SNX29: variants seen among roughly 807,000 people sequenced by gnomAD.
SNX29 encodes the protein sorting nexin-29.
SNX29 carries 78 observed loss-of-function variants against 102.1 expected under a neutral mutation model. The observed-to-expected ratio is 0.76, with a 90% confidence interval of 0.64 to 0.92. The LOEUF is 0.92. Ranked by LOEUF, SNX29 falls within the 40% of genes least tolerant of loss-of-function variation. SNX29 has a pLI of 0.00. For missense variants in SNX29, 1,280 were observed against 1,061.7 expected (o/e 1.21, Z -2.86); for synonymous variants, 580 against 414.5 (o/e 1.40, Z -4.85).
At chr16:12,367,440 G>A (rs1396644514) in intron 16 of SNX29, 1 of 152,164 alleles carries the variant, frequency 6.6e-6, no homozygotes. Flanking sequence ...GTGTTACCTG[G>A]GGCACCTTGC....
chr16:12,277,720 G>A (rs190939870), intron 14 of SNX29, among the ~76,000 whole-genome samples: 17 of 152,168 alleles, frequency 1.1e-4, no homozygotes, highest in Non-Finnish European at 1.9e-4. Flanking sequence ...CACTACAGGC[G>A]CACACCACCA....
chr16:12,427,529 G>T (rs2085131660), intron 18 of SNX29, among the ~76,000 whole-genome samples: 1 of 151,658 alleles, frequency 6.6e-6, no homozygotes, highest in Non-Finnish European at 1.5e-5. Context: ...ACTGATAAAA[G>T]AAAAAAAATA....
intron 13 of SNX29, among the ~76,000 whole-genome samples, chr16:12,165,925 A>G (rs1310510117): frequency 6.6e-6 from 1 of 152,164 alleles, no homozygotes; most frequent in Non-Finnish European, 1.5e-5. Flanking sequence ...TAGCCATGTG[A>G]CCTTGGATCT....
At chr16:12,555,402 G>GA (rs1365290199) in intron 20 of SNX29, among the ~76,000 whole-genome samples, 1 of 150,040 alleles carries the variant, frequency 6.7e-6, no homozygotes, top group Admixed American at 6.6e-5. Context: ...TGTCTGCTGG[G>GA]CTGCTGGCCC....
At position 11,976,749 on chromosome 16, in the gene SNX29, G is replaced by T. The variant is rs1248056985; in HGVS notation, c.-58G>T. 107 of 1,249,386 alleles carry T rather than the reference G, an allele frequency of 8.6e-5. No homozygotes were observed. The Middle Eastern group carries it at 9.0e-4, about 11-fold the overall frequency. 77.4% of individuals were successfully genotyped at this position (1,249,386 alleles called of 1,614,324 possible). Reference sequence around the variant, plus strand: ...CTCCCGGCCTGTCTGGAGCTCGGCAGCCGCAGAAGCGGCAGCGGCGGCGGC... The same window carrying T: ...CTCCCGGCCTGTCTGGAGCTCGGCATCCGCAGAAGCGGCAGCGGCGGCGGC... On this transcript the variant is annotated 5_prime_UTR_variant, in exon 1 of 21. Transcript: ENST00000566228.
At chr16:12,087,663 C>CT in intron 11 of SNX29, 1 of 360,720 alleles carries the variant, frequency 2.8e-6, no homozygotes, top group Non-Finnish European at 5.5e-6. Flanking sequence ...CGAGATGCCT[C>CT]TCTGAAGTTA....
intron 14 of SNX29, among the ~76,000 whole-genome samples, chr16:12,276,569 T>A (rs1396677403): frequency 2.0e-5 from 3 of 152,196 alleles, no homozygotes; most frequent in Non-Finnish European, 4.4e-5. Flanking sequence ...TGCCCCTCCA[T>A]ACAGCTGATA....
At chr16:12,529,802 C>T (rs529697068) in intron 20 of SNX29, among the ~76,000 whole-genome samples, 22 of 152,324 alleles carry the variant, frequency 1.4e-4, no homozygotes, top group African/African-American at 4.3e-4. Flanking sequence ...CACACCCTGA[C>T]CTGTGCACTG....
At chr16:12,477,395 T>C (rs1429003246) in intron 18 of SNX29, among the ~76,000 whole-genome samples, 1 of 152,228 alleles carries the variant, frequency 6.6e-6, no homozygotes, top group African/African-American at 2.4e-5. Context: ...ACCAGCACGC[T>C]GTTAGTGCTG....
Position 12,568,872 on chromosome 16 carries a change from C to T in SNX29, c.*243C>T, listed in dbSNP as rs529566650. 131 of 589,172 alleles carry T rather than the reference C, an allele frequency of 2.2e-4. 1 individual carries two copies. The highest frequency in any genetic ancestry group is 2.0e-3 in the African/African-American group (109 of 53,328). 36.5% of individuals were successfully genotyped at this position (589,172 alleles called of 1,614,324 possible). A position where few individuals can be genotyped will look rare whatever the true frequency, so the allele number is the denominator to read the frequency against. On this transcript the variant is annotated 3_prime_UTR_variant, in exon 21 of 21. Coordinates refer to ENST00000566228, the MANE Select transcript of SNX29 (RefSeq NM_032167.5). The stretch of plus-strand genomic sequence containing the variant: ...GAGACTGGGACACACAGTCCTTCTG[C>T]TTCTGGGGTCTACCCTGGGCTGCAA...
chr16:12,540,988 T>C (rs1186955760), intron 20 of SNX29, among the ~76,000 whole-genome samples: 6 of 152,056 alleles, frequency 3.9e-5, no homozygotes, highest in African/African-American at 1.5e-4. Context: ...AGGGGAAAAA[T>C]GGTGAGCTCA....
At chr16:11,987,259 G>A (rs1022113530) in intron 1 of SNX29, among the ~76,000 whole-genome samples, 4 of 151,278 alleles carry the variant, frequency 2.6e-5, no homozygotes, top group Middle Eastern at 3.4e-3. Context: ...TCATAGAGAC[G>A]AGGCCTTACT....
intron 20 of SNX29, among the ~76,000 whole-genome samples, chr16:12,551,124 C>T (rs770738021): frequency 3.3e-5 from 5 of 152,074 alleles, no homozygotes; most frequent in Non-Finnish European, 7.3e-5. Context: ...AATAATGGAA[C>T]AGTGGTCCAC....
At chr16:12,547,279 C>T (rs60250633) in intron 20 of SNX29, among the ~76,000 whole-genome samples, 57 of 152,282 alleles carry the variant, frequency 3.7e-4, no homozygotes, top group African/African-American at 1.2e-3. Flanking sequence ...GAAGAGTTGG[C>T]CCCTGGGAGA....
intron 20 of SNX29, chr16:12,526,849 T>A: frequency 2.5e-6 from 1 of 404,850 alleles, no homozygotes; most frequent in Non-Finnish European, 4.6e-6. Flanking sequence ...CGTGCCGAAT[T>A]GTAAAAAGTG....
intron 20 of SNX29, among the ~76,000 whole-genome samples, chr16:12,525,706 C>T (rs1051664851): frequency 2.4e-5 from 3 of 124,828 alleles, no homozygotes; most frequent in African/African-American, 6.2e-5. Context: ...CCACCCCCCC[C>T]CCCAAAAAAA....
intron 14 of SNX29, among the ~76,000 whole-genome samples, chr16:12,210,722 A>G (rs1019016178): frequency 6.6e-6 from 1 of 150,506 alleles, no homozygotes; most frequent in East Asian, 2.0e-4. Context: ...TTTCTCTCAC[A>G]TGTTCCCTCC....
chr16:12,568,432 G>GGCTC, intron 20 of SNX29, 74 bp from the exon 21 acceptor site: 1 of 1,579,814 alleles, frequency 6.3e-7, no homozygotes, highest in Non-Finnish European at 8.6e-7. Context: ...CCTCACACCT[G>GGCTC]GCTCCCCTTC....
intron 20 of SNX29, among the ~76,000 whole-genome samples, chr16:12,559,577 A>G (rs4287557): frequency 0.21 from 31,616 of 151,864 alleles, 3,435 homozygotes; most frequent in East Asian, 0.43. Context: ...TACATAACTC[A>G]TCCCTGGTGC....
Sources: gnomAD v4.1 joint callset for allele counts (sites outside exome capture counted in the v4.1 genomes callset) on GRCh38, gnomAD v4.1.1 for gene constraint, MANE v1.5 for transcripts, NCBI Gene and HGNC (gene_info 2026-07-23, HGNC 2026-07-21) for gene names.